Variants in ISLR2 observed in about 807,000 individuals in gnomAD.
ISLR2 encodes immunoglobulin superfamily containing leucine rich repeat 2, also known as immunoglobulin superfamily containing leucine-rich repeat protein 2.
ISLR2 carries 16 observed loss-of-function variants against 25.5 expected under a neutral mutation model. The ratio of observed to expected loss-of-function variants is 0.63; its 90% CI spans 0.43 to 0.95. The LOEUF (loss-of-function observed/expected upper bound fraction) is 0.95, where lower values mean the gene tolerates loss of function less well. Ranked by LOEUF, ISLR2 falls within the 40% of genes least tolerant of loss-of-function variation. The probability of loss-of-function intolerance (pLI) is 0.00; values close to 1 mark genes in which losing one functional copy is unlikely to be tolerated. For synonymous variants in ISLR2, 508 were observed against 486.6 expected (o/e 1.04, Z -0.58); for missense variants, 883 against 1,030.7 (o/e 0.86, Z 1.96).
chr15:74,126,345 G>GTTTTTTTTTTTT (rs1228122616), upstream of ISLR2: 19 of 140,036 alleles, frequency 1.4e-4, no homozygotes, highest in African/African-American at 5.6e-4. Context: ...AAAAGCATAG[G>GTTTTTTTTTTTT]TATTTTTTTT....
chr15:74,134,656 T>A lies in ISLR2; in HGVS notation c.1902T>A (p.Pro634=), dbSNP rs749441075. 1.1e-5 allele frequency: 18 copies of A among 1,614,002 alleles called. No individual in the cohort carries two copies. In the Admixed American group the frequency reaches 2.3e-4, roughly 21 times the overall value. Residue 634 remains proline, a synonymous_variant, in exon 3 of 3, where the codon CCT becomes CCA. Coordinates refer to ENST00000453268, the MANE Select transcript of ISLR2 (RefSeq NM_020851.3). ...GTCTGATCCTGCGGCCTCAGGCCCC[T>A]GACCCTATGGAGAAGCGCATCGCCG... The part of the protein sequence containing the change: ...PYRLILRPQA[P]DPMEKRIAAD...
intron 2 of ISLR2, among the ~76,000 whole-genome samples, chr15:74,113,556 T>A (rs1283084564): frequency 6.6e-6 from 1 of 152,244 alleles, no homozygotes; most frequent in Non-Finnish European, 1.5e-5. Flanking sequence ...ACCTTCATTG[T>A]AGAGATGTGG....
chr15:74,115,891 G>GA (rs11307853), intron 2 of ISLR2, among the ~76,000 whole-genome samples: 2,924 of 98,482 alleles, frequency 0.03, 46 homozygotes, highest in South Asian at 0.069. Context: ...AAGATATATT[G>GA]AAAAAAAAAA....
At position 74,132,400 on chromosome 15, in the gene ISLR2, C is replaced by T. The variant is rs2072441281; in HGVS notation, c.-8-347C>T. 6.6e-6 allele frequency among the ~76,000 whole-genome samples: 1 copy of T among 152,098 alleles called. No homozygotes were observed. Among genetic ancestry groups the T allele is most frequent in the South Asian group, 2.1e-4 (1 of 4,816 alleles). ...GTAGGATCCATTTCACCAGGTTAAA[C>T]GAAGGCTTAGAAACACAGAGAGGGG... On this transcript the variant is annotated intron_variant, in intron 2 of 2. Coordinates refer to ENST00000453268, the MANE Select transcript of ISLR2 (RefSeq NM_020851.3). The surrounding 1 kb of genome is among the most constrained non-coding windows in gnomAD (Gnocchi z 4.3).
chr15:74,139,934 G>A (rs2072602928), downstream of ISLR2, among the ~76,000 whole-genome samples: 1 of 150,960 alleles, frequency 6.6e-6, no homozygotes, highest in South Asian at 2.1e-4. Context: ...CTGGAAAATG[G>A]TCGGAGAATG....
intron 2 of ISLR2, among the ~76,000 whole-genome samples, chr15:74,109,323 C>T (rs1190791836): frequency 6.6e-6 from 1 of 151,914 alleles, no homozygotes; most frequent in African/African-American, 2.4e-5. Context: ...GCTGGGTGAC[C>T]TTGGGCAAGT....
chr15:74,137,480 A>AG (rs899820570), downstream of ISLR2, among the ~76,000 whole-genome samples: 1 of 152,166 alleles, frequency 6.6e-6, no homozygotes, highest in African/African-American at 2.4e-5. Flanking sequence ...GGGTGTGCCA[A>AG]GGGGGTGCAC....
chr15:74,137,694 A>G (rs962789646), downstream of ISLR2, among the ~76,000 whole-genome samples: 3 of 152,318 alleles, frequency 2.0e-5, no homozygotes, highest in African/African-American at 4.8e-5. Flanking sequence ...GAGGAAAGCA[A>G]CAGAAATGGG....
At position 74,136,323 on chromosome 15, in the gene ISLR2, G is replaced by A. The variant is rs974422638; in HGVS notation, c.*1331G>A. ...GTGGCCTCCCGGGCCGCGGCTCTCT[G>A]GAGGGCTCGCGCCCTAGTTCGCACA... On this transcript the variant is annotated 3_prime_UTR_variant, in exon 3 of 3. Transcript: ENST00000453268. 1.8e-5 allele frequency: 3 copies of A among 164,922 alleles called. No homozygotes were observed. 10.2% of individuals were successfully genotyped at this position (164,922 alleles called of 1,614,324 possible).
upstream of ISLR2, chr15:74,126,897 TG>T (rs1456626438): frequency 3.0e-3 from 7 of 2,354 alleles, no homozygotes; most frequent in East Asian, 9.8e-3. Flanking sequence ...AGAGAACATT[TG>T]TGTGTGTGTG....
At chr15:74,139,895 T>C (rs2072602497), downstream of ISLR2, among the ~76,000 whole-genome samples, 1 of 151,264 alleles carries the variant, frequency 6.6e-6, no homozygotes, top group Non-Finnish European at 1.5e-5. Context: ...TGTGTGTGTG[T>C]GTGTGTGTGT....
At chr15:74,109,389 C>A (rs201057714) in intron 2 of ISLR2, among the ~76,000 whole-genome samples, 2 of 148,596 alleles carry the variant, frequency 1.3e-5, no homozygotes, top group African/African-American at 4.9e-5. Context: ...GGAAGGGCTG[C>A]AGTAGGACTA....
In ISLR2 at chr15:74,134,534, G is replaced by T; in HGVS notation, c.1780G>T (p.Val594Leu). Reference sequence around the variant, plus strand: ...GGAGCTCCCATCGCTGCTGGTCATAGTGGCAGTGAGCGTATTCCTCCTGGT... The same window carrying T: ...GGAGCTCCCATCGCTGCTGGTCATATTGGCAGTGAGCGTATTCCTCCTGGT... Reference protein sequence around the residue: ...KKELPSLLVIVAVSVFLLVLA... With the variant: ...KKELPSLLVILAVSVFLLVLA... The change falls in exon 3 of 3, where the codon GTG becomes TTG. Residue 594 changes from valine to leucine, a missense_variant. Around this residue, in one of 2 missense-constraint regions of ISLR2, gnomAD observed 612 missense variants for 642.8 expected, o/e 0.95. Coordinates refer to ENST00000453268, the MANE Select transcript of ISLR2 (RefSeq NM_020851.3). The T allele has an allele frequency of 6.2e-7, 1 of 1,614,106 alleles. No homozygotes were observed.
chr15:74,134,583 G>A lies in ISLR2; in HGVS notation c.1829G>A (p.Gly610Asp). ...LLVLATVPLL[G>D]AACCHLLAKH... The stretch of plus-strand genomic sequence containing the variant: ...GTGCTGGCCACAGTGCCCCTTCTGG[G>A]CGCCGCCTGCTGCCATCTGCTGGCT... Residue 610 changes from glycine to aspartate, a missense_variant, in exon 3 of 3, where the codon GGC (glycine) becomes GAC (aspartate). Gly to Asp is a moderately conservative substitution (Grantham distance 94, BLOSUM62 -1). Around this residue, in one of 2 missense-constraint regions of ISLR2, gnomAD observed 612 missense variants for 642.8 expected, o/e 0.95. Transcript: ENST00000453268. 6.2e-7 allele frequency: 1 copy of A among 1,614,162 alleles called. No individual in the cohort carries two copies. The highest frequency in any genetic ancestry group is 1.1e-5 in the South Asian group (1 of 91,082).
chr15:74,137,318 C>G (rs1021939746), downstream of ISLR2, among the ~76,000 whole-genome samples: 1 of 152,198 alleles, frequency 6.6e-6, no homozygotes, highest in Non-Finnish European at 1.5e-5. Flanking sequence ...ACACAAAGTA[C>G]AGAGCGGGCA....
chr15:74,134,975 A>G lies in ISLR2; in HGVS notation c.2221A>G (p.Arg741Gly). 1 of 1,612,590 alleles carries G rather than the reference A, an allele frequency of 6.2e-7. No individual in the cohort carries two copies. Among genetic ancestry groups the G allele is most frequent in the Non-Finnish European group, 8.5e-7 (1 of 1,179,428 alleles). ...NIAQEINGNY[R>G]QTAG ...CGCCCAGGAGATTAATGGCAACTAC[A>G]GGCAGACGGCAGGCTGAACCTCCGC... is the stretch of plus-strand genomic sequence containing the variant. The change falls in exon 3 of 3, where the codon AGG becomes GGG. Residue 741 changes from arginine to glycine, a missense_variant. Around this residue, in one of 2 missense-constraint regions of ISLR2, gnomAD observed 612 missense variants for 642.8 expected, o/e 0.95. Transcript: ENST00000453268.
At position 74,133,962 on chromosome 15, in the gene ISLR2, G is replaced by T. The variant is rs781526305; in HGVS notation, c.1208G>T (p.Gly403Val). 6.2e-7 allele frequency: 1 copy of T among 1,609,042 alleles called. No individual in the cohort carries two copies. Among genetic ancestry groups the T allele is most frequent in the African/African-American group, 1.3e-5 (1 of 74,982 alleles). The change falls in exon 3 of 3, where the codon GGC becomes GTC. Residue 403 changes from glycine (G) to valine (V), a missense_variant. This residue lies in a region of ISLR2 where 612 missense variants were observed against 642.8 expected (regional missense o/e 0.95). Transcript: ENST00000453268. ...PTSERKSTAK[G>V]RGNSVLPSKP... ...TCTGAGCGCAAGTCCACAGCCAAGG[G>T]CCGGGGCAACAGCGTCCTGCCTTCC...
Position 74,134,912 on chromosome 15 carries a change from A to C in ISLR2, c.2158A>C (p.Ser720Arg). 1 of 1,613,992 alleles carries C rather than the reference A, an allele frequency of 6.2e-7. No individual in the cohort carries two copies. Among genetic ancestry groups the C allele is most frequent in the Non-Finnish European group, 8.5e-7 (1 of 1,179,992 alleles). Residue 720 changes from serine (S) to arginine (R), a missense_variant, in exon 3 of 3, where the codon AGC becomes CGC. By Grantham distance (110) the Ser-to-Arg change is moderately radical (BLOSUM62 -1). Around this residue, in one of 2 missense-constraint regions of ISLR2, gnomAD observed 612 missense variants for 642.8 expected, o/e 0.95. Transcript: ENST00000453268. The stretch of plus-strand genomic sequence containing the variant: ...GGAGTTCGAGGCGGGCTCTGAGTAC[A>C]GCGATCGGCTGCCCCTGGGCGCCGA... ...QEEFEAGSEYSDRLPLGAEAV... is the reference protein window; with the variant it reads ...QEEFEAGSEYRDRLPLGAEAV...
chr15:74,134,997 C>A lies in ISLR2; in HGVS notation c.*5C>A. 1 of 1,609,368 alleles carries A rather than the reference C, an allele frequency of 6.2e-7. No homozygotes were observed. Among genetic ancestry groups the A allele is most frequent in the Non-Finnish European group, 8.5e-7 (1 of 1,177,668 alleles). Reference sequence around the variant, plus strand: ...TACAGGCAGACGGCAGGCTGAACCTCCGCCCGTCCGGCCCGCCCATTCCCG... The same window carrying A: ...TACAGGCAGACGGCAGGCTGAACCTACGCCCGTCCGGCCCGCCCATTCCCG... On this transcript the variant is annotated 3_prime_UTR_variant, in exon 3 of 3. Coordinates refer to ENST00000453268, the MANE Select transcript of ISLR2 (RefSeq NM_020851.3).
Sources: gnomAD v4.1 joint callset for allele counts (sites outside exome capture counted in the v4.1 genomes callset) on GRCh38, gnomAD v4.1.1 for gene constraint, gnomAD v4.1.1 regional missense constraint, Gnocchi (gnomAD v3.1) non-coding constraint, MANE v1.5 for transcripts, NCBI Gene and HGNC (gene_info 2026-07-23, HGNC 2026-07-21) for gene names.